ADAM32: variants seen among roughly 807,000 people sequenced by gnomAD.
ADAM32 encodes the protein disintegrin and metalloproteinase domain-containing protein 32.
In ADAM32, 89 loss-of-function variants were observed where a neutral mutation model predicts 114.9. That is an observed-to-expected ratio of 0.77 (90% confidence interval 0.65 to 0.92). The LOEUF is 0.92. ADAM32 is among the 40% of genes least tolerant of loss of function. ADAM32 has a pLI of 0.00. For missense variants in ADAM32, 870 were observed against 932.8 expected (o/e 0.93, Z 0.88); for synonymous variants, 285 against 307.5 (o/e 0.93, Z 0.77).
intron 3 of ADAM32, among the ~76,000 whole-genome samples, chr8:39,138,880 A>G (rs756619376): frequency 2.6e-5 from 4 of 152,148 alleles, no homozygotes; most frequent in African/African-American, 9.7e-5. Flanking sequence ...GTGGCGTGAG[A>G]TGGTATCTCA....
At chr8:39,198,657 C>T (rs149936179) in intron 11 of ADAM32, among the ~76,000 whole-genome samples, 252 of 152,302 alleles carry the variant, frequency 1.7e-3, no homozygotes, top group Middle Eastern at 0.01. Flanking sequence ...GGATTACAGG[C>T]GTGAGCCATC....
intron 2 of ADAM32, among the ~76,000 whole-genome samples, chr8:39,125,934 C>T (rs1259928512): frequency 1.3e-5 from 2 of 152,154 alleles, no homozygotes; most frequent in Non-Finnish European, 2.9e-5. Context: ...TTCCCCATTG[C>T]TTGTGTTTGT....
intron 10 of ADAM32, among the ~76,000 whole-genome samples, chr8:39,186,120 C>T (rs2129447147): frequency 1.3e-5 from 2 of 152,312 alleles, no homozygotes; most frequent in African/African-American, 2.4e-5. Flanking sequence ...TTTTCCATTG[C>T]TCATTTGCAG....
At chr8:39,252,893 A>G (rs1811394833) in intron 17 of ADAM32, among the ~76,000 whole-genome samples, 1 of 151,680 alleles carries the variant, frequency 6.6e-6, no homozygotes, top group South Asian at 2.1e-4. Flanking sequence ...ACAATAACAA[A>G]TAAAGAGATT....
intron 2 of ADAM32, among the ~76,000 whole-genome samples, chr8:39,128,313 T>C (rs980004195): frequency 7.2e-5 from 11 of 152,212 alleles, no homozygotes; most frequent in African/African-American, 2.7e-4. Flanking sequence ...TGGTTTATAG[T>C]CTGTTTTGTC....
intron 19 of ADAM32, 87 bp downstream of exon 19, chr8:39,257,430 C>G (rs73608630): frequency 7.0e-7 from 1 of 1,435,342 alleles, no homozygotes; most frequent in South Asian, 1.5e-5. Flanking sequence ...AGTAGCAATA[C>G]TTTACATATC....
rs1341013439 is a variant in ADAM32 at position 39,270,931 on chromosome 8, G to C, written c.2201+17G>C. On this transcript the variant is annotated intron_variant, in intron 20 of 24. Coordinates refer to ENST00000379907, the MANE Select transcript of ADAM32 (RefSeq NM_145004.7). ...TGCCAGCCAGTAAGTAGTTTAGAAG[G>C]TGTTTTTAAGATACATGTTGAAAAT... The C allele has an allele frequency of 1.3e-6, 2 of 1,598,034 alleles. No homozygotes were observed. Among genetic ancestry groups the C allele is most frequent in the East Asian group, 2.2e-5 (1 of 44,666 alleles).
chr8:39,197,629 A>G (rs945175533), intron 11 of ADAM32, among the ~76,000 whole-genome samples: 1 of 152,106 alleles, frequency 6.6e-6, no homozygotes, highest in African/African-American at 2.4e-5. Flanking sequence ...AGTTTTCAAA[A>G]TTCCTATTAT....
chr8:39,174,246 C>G (rs1285574711), intron 10 of ADAM32, among the ~76,000 whole-genome samples: 2 of 152,196 alleles, frequency 1.3e-5, no homozygotes, highest in African/African-American at 4.8e-5. Flanking sequence ...TTGTTTGTGT[C>G]AGATTTGTTG....
chr8:39,163,358 T>C (rs181022126), intron 7 of ADAM32, among the ~76,000 whole-genome samples: 121 of 152,304 alleles, frequency 7.9e-4, no homozygotes, highest in African/African-American at 2.1e-3. Flanking sequence ...GGAGGGAAGA[T>C]GTCATTGAAA....
intron 15 of ADAM32, among the ~76,000 whole-genome samples, chr8:39,232,977 T>C (rs965885071): frequency 3.3e-5 from 5 of 152,126 alleles, no homozygotes; most frequent in Non-Finnish European, 7.4e-5. Context: ...CATCTTTCTT[T>C]CCTTCTATGG....
chr8:39,271,603 G>T (rs1812737090), intron 20 of ADAM32, among the ~76,000 whole-genome samples: 1 of 149,166 alleles, frequency 6.7e-6, no homozygotes, highest in Non-Finnish European at 1.5e-5. Flanking sequence ...CATTAAACAA[G>T]AAATAAAGGA....
intron 2 of ADAM32, among the ~76,000 whole-genome samples, chr8:39,134,710 T>A (rs955050125): frequency 1.3e-5 from 2 of 152,176 alleles, no homozygotes; most frequent in African/African-American, 4.8e-5. Context: ...CTGTATATAG[T>A]CTGCAAATAA....
intron 14 of ADAM32, among the ~76,000 whole-genome samples, chr8:39,229,420 C>G (rs1306513436): frequency 6.6e-6 from 1 of 152,122 alleles, no homozygotes; most frequent in Non-Finnish European, 1.5e-5. Context: ...TGTATAAAAA[C>G]TCATCAATCA....
intron 6 of ADAM32, among the ~76,000 whole-genome samples, chr8:39,153,965 C>G (rs773249465): frequency 9.3e-5 from 14 of 150,844 alleles, no homozygotes; most frequent in Non-Finnish European, 1.6e-4. Flanking sequence ...CCACAGATAT[C>G]ATCGTTTGTC....
chr8:39,225,147 C>T (rs1026378404), intron 14 of ADAM32, among the ~76,000 whole-genome samples: 1 of 152,168 alleles, frequency 6.6e-6, no homozygotes, highest in African/African-American at 2.4e-5. Flanking sequence ...TGAGTGACTA[C>T]CCCTCCCAAC....
chr8:39,172,081 T>C (rs1357117780), intron 10 of ADAM32, among the ~76,000 whole-genome samples: 1 of 150,190 alleles, frequency 6.7e-6, no homozygotes, highest in African/African-American at 2.4e-5. Flanking sequence ...AAATAAATAT[T>C]TCTTATGACA....
chr8:39,253,551 G>A (rs1393878066), intron 17 of ADAM32, among the ~76,000 whole-genome samples: 1 of 151,478 alleles, frequency 6.6e-6, no homozygotes, highest in African/African-American at 2.4e-5. Context: ...ACTAGTAGAA[G>A]AAATAATGAA....
chr8:39,192,126 G>A (rs6999660), intron 11 of ADAM32, among the ~76,000 whole-genome samples: 4,072 of 152,262 alleles, frequency 0.027, 208 homozygotes, highest in African/African-American at 0.092. Flanking sequence ...GAGATTGTAT[G>A]TGTCCCAGAA....
Sources: gnomAD v4.1 joint callset for allele counts (sites outside exome capture counted in the v4.1 genomes callset) on GRCh38, gnomAD v4.1.1 for gene constraint, MANE v1.5 for transcripts, NCBI Gene and HGNC (gene_info 2026-07-23, HGNC 2026-07-21) for gene names.